Variants in CREB1 observed in about 807,000 individuals in gnomAD.
CREB1 encodes cyclic AMP-responsive element-binding protein 1.
CREB1 carries 2 observed loss-of-function variants against 42.0 expected under a neutral mutation model. The ratio of observed to expected loss-of-function variants is 0.05; its 90% CI spans 0.02 to 0.15. The LOEUF is 0.15. Among genes scored for constraint, CREB1 ranks in the 10% least tolerant of loss-of-function variants. The probability of loss-of-function intolerance (pLI) is 1.00; values close to 1 mark genes in which losing one functional copy is unlikely to be tolerated. For missense variants in CREB1, 199 were observed against 388.9 expected (o/e 0.51, Z 4.11); for synonymous variants, 123 against 139.9 (o/e 0.88, Z 0.85).
At chr2:207,540,669 TAAAA>T (rs35714520) in intron 1 of CREB1, among the ~76,000 whole-genome samples, 180 of 64,264 alleles carry the variant, frequency 2.8e-3, no homozygotes, top group South Asian at 0.014. Flanking sequence ...GTTTAAAAAG[TAAAA>T]AAAAAAAAAA....
chr2:207,548,770 C>T (rs558528405), intron 1 of CREB1, among the ~76,000 whole-genome samples: 2 of 151,978 alleles, frequency 1.3e-5, no homozygotes, highest in African/African-American at 2.4e-5. Context: ...CCCCGCTCCC[C>T]CCCAAAAAGA....
rs184368554 is a variant in CREB1 at position 207,588,537 on chromosome 2, G to C, written c.840-8377G>C. On this transcript the variant is annotated intron_variant, in intron 7 of 7. Transcript: ENST00000353267. ...CACTTTAATGTATATTTTATAATCCGCTTGTTGATGTCTACGGAAAGTGTG... is the reference window on the plus strand; with the variant it reads ...CACTTTAATGTATATTTTATAATCCCCTTGTTGATGTCTACGGAAAGTGTG... Among the ~76,000 whole-genome samples, 53 of 152,140 alleles carry C rather than the reference G, an allele frequency of 3.5e-4. 1 individual carries two copies. In the South Asian group the frequency reaches 0.011, roughly 32 times the overall value.
chr2:207,542,123 C>A (rs1028323876), intron 1 of CREB1, among the ~76,000 whole-genome samples: 1 of 152,122 alleles, frequency 6.6e-6, no homozygotes, highest in Non-Finnish European at 1.5e-5. Context: ...AAAATGCTGC[C>A]ATAAACATTC....
At chr2:207,572,813 C>CA (rs1232230431) in intron 5 of CREB1, among the ~76,000 whole-genome samples, 1,906 of 117,432 alleles carry the variant, frequency 0.016, 34 homozygotes, top group African/African-American at 0.053. Flanking sequence ...GACTCCATCT[C>CA]AAAAAAAAAA....
At chr2:207,556,998 G>A (rs898004927) in intron 2 of CREB1, among the ~76,000 whole-genome samples, 3 of 152,138 alleles carry the variant, frequency 2.0e-5, no homozygotes, top group African/African-American at 7.2e-5. Flanking sequence ...TTAACCAGGC[G>A]TGGTAGCACA....
chr2:207,552,042 CAAAAAAAAA>C (rs71036931), intron 1 of CREB1, among the ~76,000 whole-genome samples: 291 of 69,942 alleles, frequency 4.2e-3, no homozygotes, highest in Middle Eastern at 0.029. Context: ...AACTCCGTCT[CAAAAAAAAA>C]AAAAAAAAAA....
At chr2:207,550,603 T>A (rs1426435531) in intron 1 of CREB1, 1 of 152,188 alleles carries the variant, frequency 6.6e-6, no homozygotes, top group Non-Finnish European at 1.5e-5. Flanking sequence ...AAAGTATGTA[T>A]TCTTTCCTTT....
rs1172616618 is a variant in CREB1, at chr2:207,598,406, A to T, written c.*1348A>T. 1 of 181,910 alleles carries T rather than the reference A, an allele frequency of 5.5e-6. No homozygotes were observed. Among genetic ancestry groups the T allele is most frequent in the African/African-American group, 2.4e-5 (1 of 42,382 alleles). The allele number at this position is 181,910 out of a possible 1,614,324, so 11.3% of individuals were successfully genotyped here. ...TGATTAAAACAGTCTGTATTTGTGT[A>T]TATCATACATTGTTTTCAATACCAC... On this transcript the variant is annotated 3_prime_UTR_variant, in exon 8 of 8. Transcript: ENST00000353267.
At chr2:207,570,131 G>A (rs1225175598) in intron 4 of CREB1, 48 bp from the exon 5 acceptor site, 1 of 1,429,932 alleles carries the variant, frequency 7.0e-7, no homozygotes, top group East Asian at 2.5e-5. Context: ...TATTTAGCCA[G>A]TAAATTGTAC....
chr2:207,535,734 C>T (rs548099519), intron 1 of CREB1, among the ~76,000 whole-genome samples: 1 of 151,850 alleles, frequency 6.6e-6, no homozygotes, highest in African/African-American at 2.4e-5. Flanking sequence ...GCACAAAATG[C>T]GTTTCACTAC....
At chr2:207,572,942 T>C (rs757473221) in intron 5 of CREB1, among the ~76,000 whole-genome samples, 2 of 152,238 alleles carry the variant, frequency 1.3e-5, no homozygotes, top group Non-Finnish European at 2.9e-5. Context: ...TGTTACTAGA[T>C]TTATCTGTTA....
intron 1 of CREB1, among the ~76,000 whole-genome samples, chr2:207,531,359 A>G (rs1446980195): frequency 6.6e-6 from 1 of 152,248 alleles, no homozygotes; most frequent in East Asian, 1.9e-4. Context: ...ACATTAAAGT[A>G]TCCATTATTT....
At chr2:207,591,621 C>T (rs1029631863) in intron 7 of CREB1, among the ~76,000 whole-genome samples, 3 of 152,036 alleles carry the variant, frequency 2.0e-5, no homozygotes, top group African/African-American at 2.4e-5. Context: ...TTAGTAGAGA[C>T]GGGGTTTCGC....
At chr2:207,567,194 A>G (rs148180892) in intron 3 of CREB1, among the ~76,000 whole-genome samples, 242 of 152,286 alleles carry the variant, frequency 1.6e-3, no homozygotes, top group Non-Finnish European at 2.1e-3. Flanking sequence ...GAAAAAACTG[A>G]TAAGTAATAC....
chr2:207,573,145 G>C (rs1424358553), intron 5 of CREB1, among the ~76,000 whole-genome samples: 3 of 152,054 alleles, frequency 2.0e-5, no homozygotes, highest in African/African-American at 7.2e-5. Context: ...TCTTTTCTTA[G>C]TCTAGATTTT....
At chr2:207,545,408 A>C (rs1479379978) in intron 1 of CREB1, among the ~76,000 whole-genome samples, 4 of 151,976 alleles carry the variant, frequency 2.6e-5, no homozygotes, top group African/African-American at 9.7e-5. Flanking sequence ...AGGTTTCACT[A>C]TGTTGGCCAG....
At chr2:207,552,886 G>T (rs1319155312) in intron 1 of CREB1, among the ~76,000 whole-genome samples, 2 of 152,082 alleles carry the variant, frequency 1.3e-5, no homozygotes, top group African/African-American at 4.8e-5. Flanking sequence ...CAAGTGCTGG[G>T]ATTACAGGCA....
At chr2:207,586,332 T>C (rs761566947) in intron 7 of CREB1, among the ~76,000 whole-genome samples, 39 of 152,176 alleles carry the variant, frequency 2.6e-4, no homozygotes, top group Non-Finnish European at 5.0e-4. Context: ...GGACACTCTC[T>C]TCAATCAATG....
intron 1 of CREB1, among the ~76,000 whole-genome samples, chr2:207,549,322 G>A (rs952293773): frequency 2.2e-4 from 34 of 152,064 alleles, no homozygotes; most frequent in African/African-American, 8.0e-4. Flanking sequence ...CAGAAACCTG[G>A]AGCATTGCTA....
Sources: allele counts gnomAD v4.1 joint callset (sites outside exome capture counted in the v4.1 genomes callset), GRCh38; gene constraint gnomAD v4.1.1; transcripts MANE v1.5; gene names NCBI Gene and HGNC (gene_info 2026-07-23, HGNC 2026-07-21).